CNTNAP5: variants seen among roughly 807,000 people sequenced by gnomAD.
CNTNAP5 encodes the protein contactin associated protein family member 5, also known as contactin-associated protein-like 5.
CNTNAP5 carries 72 observed loss-of-function variants against 150.2 expected under a neutral mutation model. The observed-to-expected ratio is 0.48, with a 90% confidence interval of 0.40 to 0.58. The LOEUF (loss-of-function observed/expected upper bound fraction) is 0.58, where lower values mean the gene tolerates loss of function less well. CNTNAP5 is among the 20% of genes least tolerant of loss of function. The pLI is 0.00. For missense variants in CNTNAP5, 1,636 were observed against 1,626.2 expected (o/e 1.01, Z -0.10); for synonymous variants, 672 against 619.8 (o/e 1.08, Z -1.25).
At chr2:124,655,528 A>G (rs900080798) in intron 13 of CNTNAP5, among the ~76,000 whole-genome samples, 3 of 118,622 alleles carry the variant, frequency 2.5e-5, no homozygotes, top group African/African-American at 9.8e-5. Context: ...GGATTTCTGC[A>G]TCAAATGATT....
intron 1 of CNTNAP5, among the ~76,000 whole-genome samples, chr2:124,169,065 T>C (rs568858900): frequency 2.0e-5 from 3 of 152,084 alleles, no homozygotes; most frequent in African/African-American, 7.2e-5. Flanking sequence ...ACTGCCTCCA[T>C]GTTTTGTTTC....
chr2:124,349,899 T>TTTTG lies in CNTNAP5; in HGVS notation c.382-67543_382-67540dup, dbSNP rs1420162610. On this transcript the variant is annotated intron_variant, in intron 3 of 23. Coordinates refer to ENST00000682447, the MANE Select transcript of CNTNAP5 (RefSeq NM_001367498.1). The stretch of plus-strand genomic sequence containing the variant: ...CTTTTTTTTTTTTTTTTTTTTTTTT[T>TTTTG]TTTGAGACAGAGTCTAACTATGTCG... Among the ~76,000 whole-genome samples, 282 of 115,322 alleles carry TTTTG rather than the reference T, an allele frequency of 2.4e-3. 4 individuals are homozygous for TTTTG. Among genetic ancestry groups the TTTTG allele is most frequent in the Non-Finnish European group, 4.1e-3 (225 of 55,288 alleles). The allele number at this position is 115,322 out of a possible 152,430, so 75.7% of individuals were successfully genotyped here.
At chr2:124,536,923 C>A (rs556762045) in intron 10 of CNTNAP5, among the ~76,000 whole-genome samples, 1 of 152,060 alleles carries the variant, frequency 6.6e-6, no homozygotes, top group South Asian at 2.1e-4. Flanking sequence ...AGTAAACTTG[C>A]CAGTGCACAA....
intron 3 of CNTNAP5, among the ~76,000 whole-genome samples, chr2:124,331,502 G>A (rs1278211095): frequency 6.6e-6 from 1 of 151,540 alleles, no homozygotes; most frequent in African/African-American, 2.4e-5. Context: ...TGTTATCTCT[G>A]TTTTGTACCT....
Position 124,856,428 on chromosome 2 carries a change from T to G in CNTNAP5, c.3218-8878T>G, listed in dbSNP as rs555245657. On this transcript the variant is annotated intron_variant, in intron 19 of 23. Transcript: ENST00000682447. ...GGAATCTCCACACTATTTTCTACAA[T>G]GGTTGTACTAGTTTACATTCCCACC... Among the ~76,000 whole-genome samples, 12 of 152,352 alleles carry G rather than the reference T, an allele frequency of 7.9e-5. No homozygotes were observed. The South Asian group carries it at 2.5e-3, about 32-fold the overall frequency.
At chr2:124,484,179 T>C (rs564911448) in intron 7 of CNTNAP5, among the ~76,000 whole-genome samples, 32 of 152,324 alleles carry the variant, frequency 2.1e-4, no homozygotes, top group African/African-American at 7.5e-4. Context: ...GGAAAGACTT[T>C]ATGTAAGTGC....
chr2:124,746,125 A>G (rs911941243), intron 13 of CNTNAP5, among the ~76,000 whole-genome samples: 3 of 152,144 alleles, frequency 2.0e-5, no homozygotes, highest in Non-Finnish European at 4.4e-5. Context: ...TATTTCTTTC[A>G]TTTTTTAAAT....
intron 1 of CNTNAP5, among the ~76,000 whole-genome samples, chr2:124,028,792 T>C (rs1680964982): frequency 6.6e-6 from 1 of 152,106 alleles, no homozygotes; most frequent in Non-Finnish European, 1.5e-5. Flanking sequence ...AAATACCTAT[T>C]ATGTTATTCA....
Position 124,910,592 on chromosome 2 carries a change from AG to A in CNTNAP5, c.3656-874del, listed in dbSNP as rs1391980527. Reference sequence around the variant, plus strand: ...AGAGAGGAGTAATAGAAAGACTCTGAGTGCAGTAGTTGGATAGCTTTGGTGT... The same window carrying A: ...AGAGAGGAGTAATAGAAAGACTCTGATGCAGTAGTTGGATAGCTTTGGTGT... On this transcript the variant is annotated intron_variant, in intron 22 of 23. Transcript: ENST00000682447. Among the ~76,000 whole-genome samples, 6 of 152,080 alleles carry A rather than the reference AG, an allele frequency of 3.9e-5. No individual in the cohort carries two copies. In the East Asian group the frequency reaches 1.2e-3, roughly 30 times the overall value.
intron 1 of CNTNAP5, among the ~76,000 whole-genome samples, chr2:124,035,546 A>G (rs999358738): frequency 6.6e-6 from 1 of 152,066 alleles, no homozygotes; most frequent in East Asian, 1.9e-4. Flanking sequence ...AGTGCTGCTC[A>G]CCGGGAAATA....
intron 3 of CNTNAP5, among the ~76,000 whole-genome samples, chr2:124,247,455 C>A (rs1043800812): frequency 6.6e-6 from 1 of 152,054 alleles, no homozygotes; most frequent in African/African-American, 2.4e-5. Context: ...CGAAGCTTGT[C>A]AGAGAGGGTG....
At chr2:124,842,098 A>G (rs1399035937) in intron 19 of CNTNAP5, among the ~76,000 whole-genome samples, 1 of 152,136 alleles carries the variant, frequency 6.6e-6, no homozygotes, top group Non-Finnish European at 1.5e-5. Flanking sequence ...CAGCTGCCTC[A>G]TCCTGAATAC....
At chr2:124,800,428 A>C (rs981098865) in intron 19 of CNTNAP5, among the ~76,000 whole-genome samples, 9 of 152,092 alleles carry the variant, frequency 5.9e-5, no homozygotes, top group Non-Finnish European at 1.2e-4. Flanking sequence ...TATTTTAATT[A>C]ATCCACACAA....
chr2:124,061,477 A>T (rs1293216958), intron 1 of CNTNAP5, among the ~76,000 whole-genome samples: 2 of 152,178 alleles, frequency 1.3e-5, no homozygotes, highest in Non-Finnish European at 2.9e-5. Flanking sequence ...ACTTTGGAAA[A>T]GCTTGTTAGT....
At chr2:124,467,474 G>T (rs901248735) in intron 6 of CNTNAP5, among the ~76,000 whole-genome samples, 3 of 152,112 alleles carry the variant, frequency 2.0e-5, no homozygotes, top group Non-Finnish European at 4.4e-5. Flanking sequence ...ATTCTTATAT[G>T]GAGGGCTTGA....
rs527350477 is a variant in CNTNAP5, at chr2:124,771,887, T to C, written c.2534-912T>C. 1.4e-4 allele frequency among the ~76,000 whole-genome samples: 21 copies of C among 150,888 alleles called. No homozygotes were observed. In the South Asian group the frequency reaches 2.1e-3, roughly 15 times the overall value. The stretch of plus-strand genomic sequence containing the variant: ...ATCACTACCATCACCATTACCACCA[T>C]CAGCACTGCCACTATCACTATCACC... On this transcript the variant is annotated intron_variant, in intron 16 of 23. Coordinates refer to ENST00000682447, the MANE Select transcript of CNTNAP5 (RefSeq NM_001367498.1).
chr2:124,745,360 T>C (rs1383555708), intron 13 of CNTNAP5, among the ~76,000 whole-genome samples: 1 of 152,144 alleles, frequency 6.6e-6, no homozygotes, highest in Non-Finnish European at 1.5e-5. Context: ...AGGGAGAGTT[T>C]GAGAGATTTC....
At chr2:124,145,742 T>C (rs1258170202) in intron 1 of CNTNAP5, among the ~76,000 whole-genome samples, 3 of 119,648 alleles carry the variant, frequency 2.5e-5, no homozygotes, top group Non-Finnish European at 4.9e-5. Context: ...CATGTATACA[T>C]ATGTAACTAA....
chr2:124,439,504 C>T (rs1048651448), intron 5 of CNTNAP5, among the ~76,000 whole-genome samples: 18 of 152,136 alleles, frequency 1.2e-4, no homozygotes, highest in African/African-American at 3.1e-4. Flanking sequence ...TCACAGAAGA[C>T]GGACACAAGT....
Sources: gnomAD v4.1 joint callset for allele counts (sites outside exome capture counted in the v4.1 genomes callset) on GRCh38, gnomAD v4.1.1 for gene constraint, MANE v1.5 for transcripts, NCBI Gene and HGNC (gene_info 2026-07-23, HGNC 2026-07-21) for gene names.